The following CNTNAP2 variants were observed in gnomAD, a reference collection of about 807,000 sequenced individuals.
CNTNAP2 encodes the protein contactin associated protein 2.
Under a neutral mutation model 155.2 loss-of-function variants are expected in CNTNAP2, and 98 were observed. That is an observed-to-expected ratio of 0.63 (90% CI 0.54 to 0.75). CNTNAP2 has a LOEUF of 0.75. Ranked by LOEUF, CNTNAP2 falls within the 30% of genes least tolerant of loss-of-function variation. CNTNAP2 has a pLI of 0.00. For missense variants in CNTNAP2, 1,727 were observed against 1,688.1 expected (o/e 1.02, Z -0.40); for synonymous variants, 651 against 631.2 (o/e 1.03, Z -0.47).
chr7:147,257,003 A>G (rs374101695), intron 8 of CNTNAP2, among the ~76,000 whole-genome samples: 54 of 105,726 alleles, frequency 5.1e-4, no homozygotes, highest in African/African-American at 1.9e-3. Context: ...ATTAGGAGAA[A>G]AAAGAAACAC....
chr7:146,693,947 CA>C (rs1800741072), intron 1 of CNTNAP2, among the ~76,000 whole-genome samples: 1 of 151,672 alleles, frequency 6.6e-6, no homozygotes, highest in Non-Finnish European at 1.5e-5. Context: ...CATGCGTTTT[CA>C]TTGTTCAGCT....
chr7:148,162,543 G>T (rs1422565845), intron 17 of CNTNAP2, among the ~76,000 whole-genome samples: 1 of 152,192 alleles, frequency 6.6e-6, no homozygotes, highest in East Asian at 1.9e-4. Flanking sequence ...CAAAACTGTA[G>T]TACTGAGCTT....
intron 1 of CNTNAP2, among the ~76,000 whole-genome samples, chr7:146,491,194 G>C (rs915980152): frequency 6.6e-6 from 1 of 152,024 alleles, no homozygotes; most frequent in African/African-American, 2.4e-5. Context: ...AATCATTCTA[G>C]CTACAAGAAC....
At chr7:146,895,134 G>A (rs1244282358) in intron 3 of CNTNAP2, among the ~76,000 whole-genome samples, 3 of 151,638 alleles carry the variant, frequency 2.0e-5, no homozygotes, top group African/African-American at 7.3e-5. Context: ...TAAGATTAAT[G>A]TGTCTTTATC....
chr7:146,924,791 G>C (rs1261965008), intron 3 of CNTNAP2, among the ~76,000 whole-genome samples: 1 of 151,746 alleles, frequency 6.6e-6, no homozygotes, highest in Non-Finnish European at 1.5e-5. Context: ...ATTTGTTTTT[G>C]TTTTTTATAT....
intron 20 of CNTNAP2, among the ~76,000 whole-genome samples, chr7:148,235,771 C>T (rs1175707276): frequency 6.9e-6 from 1 of 145,536 alleles, no homozygotes; most frequent in Non-Finnish European, 1.5e-5. Context: ...TTGCAACTTC[C>T]ACCTCCCGGG....
At chr7:148,296,145 A>AGC (rs1797280762) in intron 21 of CNTNAP2, among the ~76,000 whole-genome samples, 2 of 152,292 alleles carry the variant, frequency 1.3e-5, no homozygotes, top group South Asian at 4.1e-4. Context: ...CAAGACAGGT[A>AGC]TCTCTTCATG....
At chr7:146,974,362 TG>T (rs1271347424) in intron 3 of CNTNAP2, among the ~76,000 whole-genome samples, 2 of 151,514 alleles carry the variant, frequency 1.3e-5, no homozygotes, top group Admixed American at 1.3e-4. Flanking sequence ...CACTTGAACC[TG>T]GGAAGAGGAG....
chr7:147,299,732 A>AT (rs1313370236), intron 8 of CNTNAP2, among the ~76,000 whole-genome samples: 3 of 152,254 alleles, frequency 2.0e-5, no homozygotes, highest in African/African-American at 7.2e-5. Context: ...CAGAAAATAA[A>AT]TTACTAAGTT....
intron 8 of CNTNAP2, among the ~76,000 whole-genome samples, chr7:147,254,464 A>T (rs1385045657): frequency 6.6e-6 from 1 of 152,128 alleles, no homozygotes; most frequent in Non-Finnish European, 1.5e-5. Flanking sequence ...TTTTGAACTA[A>T]AGAAGTTTTT....
At chr7:147,957,799 A>G (rs1285299157) in intron 14 of CNTNAP2, among the ~76,000 whole-genome samples, 1 of 152,148 alleles carries the variant, frequency 6.6e-6, no homozygotes, top group Admixed American at 6.6e-5. Flanking sequence ...ATAGGGCTAG[A>G]CATAGTGTCT....
At chr7:147,943,154 A>G (rs1011668476) in intron 14 of CNTNAP2, among the ~76,000 whole-genome samples, 1 of 152,184 alleles carries the variant, frequency 6.6e-6, no homozygotes, top group Non-Finnish European at 1.5e-5. Context: ...AGAGCAGTTC[A>G]GTTCACAAAG....
chr7:146,926,897 A>G (rs1268728528), intron 3 of CNTNAP2, among the ~76,000 whole-genome samples: 12 of 152,168 alleles, frequency 7.9e-5, no homozygotes, highest in Admixed American at 7.9e-4. Context: ...CTATTGCTCA[A>G]TGGATATGGG....
chr7:147,431,071 A>G (rs894041678), intron 10 of CNTNAP2, among the ~76,000 whole-genome samples: 2 of 151,166 alleles, frequency 1.3e-5, no homozygotes, highest in Non-Finnish European at 3.0e-5. Context: ...AAAAAGATAC[A>G]TGGGATGAAG....
chr7:146,739,746 C>A (rs748159226), intron 1 of CNTNAP2, among the ~76,000 whole-genome samples: 1 of 151,892 alleles, frequency 6.6e-6, no homozygotes, highest in Non-Finnish European at 1.5e-5. Context: ...GGTTGTAAAT[C>A]TCCTACTATT....
At chr7:147,374,762 G>T (rs1197963315) in intron 9 of CNTNAP2, among the ~76,000 whole-genome samples, 6 of 151,900 alleles carry the variant, frequency 3.9e-5, no homozygotes, top group Admixed American at 1.3e-4. Context: ...CTTTTGAGGG[G>T]CCCTTTTCCT....
chr7:147,731,752 G>C (rs534490930), intron 13 of CNTNAP2, among the ~76,000 whole-genome samples: 2,030 of 152,184 alleles, frequency 0.013, 25 homozygotes, highest in Middle Eastern at 0.024. Flanking sequence ...GAAACTACTG[G>C]AAAGGACCCA....
chr7:147,617,770 T>C (rs908201961), intron 12 of CNTNAP2, among the ~76,000 whole-genome samples: 1 of 152,160 alleles, frequency 6.6e-6, no homozygotes, highest in Non-Finnish European at 1.5e-5. Flanking sequence ...CTTGATTTCT[T>C]ATTCTCTAAT....
intron 10 of CNTNAP2, among the ~76,000 whole-genome samples, chr7:147,473,133 T>A (rs1320745532): frequency 6.6e-6 from 1 of 152,136 alleles, no homozygotes; most frequent in Non-Finnish European, 1.5e-5. Context: ...GAAAAGGAGC[T>A]TTTGTGGACA....
Sources: gnomAD v4.1 joint callset for allele counts (sites outside exome capture counted in the v4.1 genomes callset) on GRCh38, gnomAD v4.1.1 for gene constraint, MANE v1.5 for transcripts, NCBI Gene and HGNC (gene_info 2026-07-23, HGNC 2026-07-21) for gene names.